The following ABHD6 variants were observed in gnomAD, a reference collection of about 807,000 sequenced individuals.
ABHD6 encodes the protein monoacylglycerol lipase ABHD6.
ABHD6 carries 33 observed loss-of-function variants against 38.8 expected under a neutral mutation model. That is an observed-to-expected ratio of 0.85 (90% CI 0.64 to 1.14). The LOEUF is 1.14. ABHD6 is among the 50% of genes most tolerant of loss of function. The pLI is 0.00. For missense variants in ABHD6, 380 were observed against 422.6 expected (o/e 0.90, Z 0.88); for synonymous variants, 147 against 161.6 (o/e 0.91, Z 0.69).
chr3:58,276,856 A>G (rs1179921483), intron 7 of ABHD6, among the ~76,000 whole-genome samples: 1 of 152,192 alleles, frequency 6.6e-6, no homozygotes, highest in Non-Finnish European at 1.5e-5. Flanking sequence ...TCCCAGCACC[A>G]TTTGTTAAAT....
intron 7 of ABHD6, among the ~76,000 whole-genome samples, chr3:58,282,217 G>A (rs960194916): frequency 1.2e-4 from 18 of 152,176 alleles, no homozygotes; most frequent in African/African-American, 3.6e-4. Context: ...ACGGAAAGGA[G>A]CCAGGAGTTT....
At chr3:58,286,782 G>GAT (rs1242503644) in intron 9 of ABHD6, among the ~76,000 whole-genome samples, 3 of 145,526 alleles carry the variant, frequency 2.1e-5, no homozygotes, top group Admixed American at 6.9e-5. Context: ...TGAAAGCTTA[G>GAT]ATATATATAG....
At chr3:58,277,519 G>A (rs1309396504) in intron 7 of ABHD6, among the ~76,000 whole-genome samples, 1 of 152,180 alleles carries the variant, frequency 6.6e-6, no homozygotes, top group East Asian at 1.9e-4. Flanking sequence ...GGGCTGAGAC[G>A]ATGGGATTTT....
chr3:58,240,731 A>ATTTTTTT (rs34994874), intron 1 of ABHD6, among the ~76,000 whole-genome samples: 1 of 134,362 alleles, frequency 7.4e-6, no homozygotes, highest in African/African-American at 2.9e-5. Context: ...AACCTGGGTA[A>ATTTTTTT]TTTTTTTTTT....
intron 2 of ABHD6, among the ~76,000 whole-genome samples, chr3:58,250,471 C>T (rs1357554617): frequency 2.0e-5 from 3 of 152,114 alleles, no homozygotes; most frequent in Non-Finnish European, 4.4e-5. Context: ...ATGAGACCAG[C>T]ACAGCCTGAT....
At chr3:58,253,772 A>G (rs1170434329) in intron 2 of ABHD6, among the ~76,000 whole-genome samples, 1 of 152,188 alleles carries the variant, frequency 6.6e-6, no homozygotes, top group African/African-American at 2.4e-5. Context: ...TGCTGGGAAA[A>G]TTGTTTACAG....
chr3:58,278,716 T>G (rs2097450705), intron 7 of ABHD6, among the ~76,000 whole-genome samples: 1 of 152,124 alleles, frequency 6.6e-6, no homozygotes, highest in African/African-American at 2.4e-5. Context: ...TAGATCTTTC[T>G]TGCTTTCTCT....
intron 7 of ABHD6, among the ~76,000 whole-genome samples, chr3:58,276,974 T>C (rs1344761452): frequency 2.6e-5 from 4 of 152,230 alleles, no homozygotes; most frequent in Non-Finnish European, 5.9e-5. Flanking sequence ...TTTGTCTATA[T>C]ATCTGTTTTT....
chr3:58,284,874 T>TATAATA (rs745341481), intron 7 of ABHD6, among the ~76,000 whole-genome samples: 153 of 152,094 alleles, frequency 1.0e-3, no homozygotes, highest in African/African-American at 3.3e-3. Flanking sequence ...CAAGTTCCTT[T>TATAATA]ATAATAATAA....
At position 58,275,442 on chromosome 3, in the gene ABHD6, G is replaced by A. The variant is rs578261604; in HGVS notation, c.681+627G>A. On this transcript the variant is annotated intron_variant, in intron 7 of 9. Coordinates refer to ENST00000478253, the MANE Select transcript of ABHD6 (RefSeq NM_001320126.2). ...CCTCCCAGGTTCAAGCGATTCTTCT[G>A]CCTCAGCCTCCTGAGTAGCTGGGAT... Among the ~76,000 whole-genome samples the A allele has an allele frequency of 1.2e-4, 18 of 150,132 alleles. No individual in the cohort carries two copies. The South Asian group carries it at 3.6e-3, about 30-fold the overall frequency.
Position 58,267,130 on chromosome 3 carries a change from G to T in ABHD6, c.120-59G>T. ...TATAGAGAGGACCTGTGCCCATCTT[G>T]AAGCCACTCATCTAGAGCTTACTGA... On this transcript the variant is annotated intron_variant, in intron 3 of 9. Coordinates refer to ENST00000478253, the MANE Select transcript of ABHD6 (RefSeq NM_001320126.2). This position sits in a 1 kb window ranked among gnomAD's most constrained non-coding sequence, Gnocchi z 4.3. 6.3e-7 allele frequency: 1 copy of T among 1,575,912 alleles called. No homozygotes were observed. Among genetic ancestry groups the T allele is most frequent in the Non-Finnish European group, 8.7e-7 (1 of 1,155,610 alleles).
chr3:58,255,036 A>G (rs1302324368), intron 2 of ABHD6, among the ~76,000 whole-genome samples: 1 of 151,990 alleles, frequency 6.6e-6, no homozygotes, highest in Non-Finnish European at 1.5e-5. Flanking sequence ...TTTTCATTCT[A>G]TGCTAGAATG....
chr3:58,288,665 G>T (rs572850832), intron 9 of ABHD6, among the ~76,000 whole-genome samples: 1 of 152,264 alleles, frequency 6.6e-6, no homozygotes, highest in Non-Finnish European at 1.5e-5. Context: ...TGAGCACCTA[G>T]TATGTGCCTA....
At chr3:58,250,901 T>C (rs1001919486) in intron 2 of ABHD6, among the ~76,000 whole-genome samples, 1 of 152,200 alleles carries the variant, frequency 6.6e-6, no homozygotes, top group Admixed American at 6.5e-5. Flanking sequence ...TTGTTTAGAC[T>C]TGGACAAGTT....
intron 2 of ABHD6, among the ~76,000 whole-genome samples, chr3:58,250,793 A>C (rs897368130): frequency 6.6e-6 from 1 of 152,164 alleles, no homozygotes; most frequent in African/African-American, 2.4e-5. Context: ...GCTGTTGAGC[A>C]CTTGAAGTGT....
chr3:58,285,457 T>C lies in ABHD6; in HGVS notation c.837+4T>C. On this transcript the variant is annotated splice_donor_region_variant and intron_variant, in intron 9 of 9. Coordinates refer to ENST00000478253, the MANE Select transcript of ABHD6 (RefSeq NM_001320126.2). This position sits in a 1 kb window ranked among gnomAD's most constrained non-coding sequence, Gnocchi z 4.9. Reference sequence around the variant, plus strand: ...CATCTGGGGGAAACAAGACCAGGTATGTAACACATCCCCGCGGCAGTCTGT... The same window carrying C: ...CATCTGGGGGAAACAAGACCAGGTACGTAACACATCCCCGCGGCAGTCTGT... 6.2e-7 allele frequency: 1 copy of C among 1,612,726 alleles called. No homozygotes were observed. The highest frequency in any genetic ancestry group is 8.5e-7 in the Non-Finnish European group (1 of 1,178,704).
At position 58,256,539 on chromosome 3, in the gene ABHD6, G is replaced by A. The variant is rs147054175; in HGVS notation, c.-25-23G>A. The A allele has an allele frequency of 8.5e-4, 1,181 of 1,386,942 alleles. 6 individuals are homozygous for A. The African/African-American group carries it at 0.012, about 14-fold the overall frequency. The allele number at this position is 1,386,942 out of a possible 1,614,324, so 85.9% of individuals were successfully genotyped here. A position where few individuals can be genotyped will look rare whatever the true frequency, so the allele number is the denominator to read the frequency against. ...TCCTTTGATACAGAGTTTTAATATCGTCATTCTCTTTGGCCCCTGCAGGAG... is the reference window on the plus strand; with the variant it reads ...TCCTTTGATACAGAGTTTTAATATCATCATTCTCTTTGGCCCCTGCAGGAG... On this transcript the variant is annotated intron_variant, in intron 2 of 9. Transcript: ENST00000478253. This position sits in a 1 kb window ranked among gnomAD's most constrained non-coding sequence, Gnocchi z 4.3.
At chr3:58,286,850 G>GTATATATATATATACATATATATATATA (rs1221165191) in intron 9 of ABHD6, among the ~76,000 whole-genome samples, 1 of 72,826 alleles carries the variant, frequency 1.4e-5, no homozygotes, top group African/African-American at 4.7e-5. Context: ...GTGTGTGTGT[G>GTATATATATATATACATATATATATATA]TGTATATATA....
chr3:58,277,205 C>T (rs966200921), intron 7 of ABHD6, among the ~76,000 whole-genome samples: 8 of 152,066 alleles, frequency 5.3e-5, no homozygotes, highest in Non-Finnish European at 8.8e-5. Context: ...TTACCTTGGG[C>T]GGTATGGCCA....
Sources: gnomAD v4.1 joint callset for allele counts (sites outside exome capture counted in the v4.1 genomes callset) on GRCh38, gnomAD v4.1.1 for gene constraint, Gnocchi (gnomAD v3.1) non-coding constraint, MANE v1.5 for transcripts, NCBI Gene and HGNC (gene_info 2026-07-23, HGNC 2026-07-21) for gene names.